The following TSKU variants were observed in gnomAD, a reference collection of about 807,000 sequenced individuals.
The protein encoded by TSKU is tsukushi, small leucine rich proteoglycan.
A neutral mutation model predicts 11.2 loss-of-function variants in TSKU; 4 were observed. The ratio of observed to expected loss-of-function variants is 0.36; its 90% CI spans 0.18 to 0.82. The LOEUF is 0.82. Ranked by LOEUF, TSKU falls within the 40% of genes least tolerant of loss-of-function variation. The pLI is 0.50. For synonymous variants in TSKU, 220 were observed against 232.2 expected, an observed-to-expected ratio of 0.95 and a Z score of 0.48; for missense variants, 407 against 482.5, an observed-to-expected ratio of 0.84 and a Z score of 1.47.
intron 1 of TSKU, among the ~76,000 whole-genome samples, chr11:76,789,425 C>T (rs1294615824): frequency 6.6e-6 from 1 of 152,212 alleles, no homozygotes; most frequent in African/African-American, 2.4e-5. Context: ...AGAGGTGTCT[C>T]ATAGCAGTGT....
intron 1 of TSKU, among the ~76,000 whole-genome samples, chr11:76,783,959 TC>T (rs1944274710): frequency 6.7e-6 from 1 of 149,896 alleles, no homozygotes. Context: ...CAAACTTTTC[TC>T]CCGGTTCCTC....
rs1340456591 is a variant in TSKU at position 76,783,789 on chromosome 11, G to C, written c.-9+385G>C. ...GTCCACGTTTGCGGGCCTGCGCTTG[G>C]CTGTGGGCGTCGGTGGGCGCATCGC... On this transcript the variant is annotated intron_variant, in intron 1 of 1. Coordinates refer to ENST00000333090, the MANE Select transcript of TSKU (RefSeq NM_015516.4). 3.3e-5 allele frequency among the ~76,000 whole-genome samples: 5 copies of C among 152,336 alleles called. No homozygotes were observed. The East Asian group carries it at 9.7e-4, about 29-fold the overall frequency.
chr11:76,788,577 A>G lies in TSKU; in HGVS notation c.-9+5173A>G, dbSNP rs183483376. On this transcript the variant is annotated intron_variant, in intron 1 of 1. Coordinates refer to ENST00000333090, the MANE Select transcript of TSKU (RefSeq NM_015516.4). ...AAATCACCGTCATTGTCTACCACAC[A>G]TTGAGTATTTGTGTAGCAGATAGTG... Among the ~76,000 whole-genome samples, 46 of 152,276 alleles carry G rather than the reference A, an allele frequency of 3.0e-4. No individual in the cohort carries two copies. In the East Asian group the frequency reaches 8.3e-3, roughly 27 times the overall value.
chr11:76,787,899 A>G (rs113627304), intron 1 of TSKU, among the ~76,000 whole-genome samples: 178 of 152,246 alleles, frequency 1.2e-3, no homozygotes, highest in African/African-American at 3.9e-3. Context: ...TGTGTCTGCA[A>G]AATAGGGACA....
At chr11:76,783,557 C>T (rs891683173) in intron 1 of TSKU, among the ~76,000 whole-genome samples, 153 bp downstream of exon 1, 1 of 152,138 alleles carries the variant, frequency 6.6e-6, no homozygotes, top group Non-Finnish European at 1.5e-5. Flanking sequence ...CAACTTTCGT[C>T]GGACGCCTAG....
chr11:76,785,722 G>T (rs1287890073), intron 1 of TSKU, among the ~76,000 whole-genome samples: 1 of 152,162 alleles, frequency 6.6e-6, no homozygotes, highest in East Asian at 1.9e-4. Context: ...AGAGCTCCTG[G>T]AGGATTTAAA....
chr11:76,790,351 A>G (rs1215884354), intron 1 of TSKU, among the ~76,000 whole-genome samples: 1 of 152,166 alleles, frequency 6.6e-6, no homozygotes, highest in African/African-American at 2.4e-5. Flanking sequence ...GGAGGGAAGT[A>G]GTCGGTGACT....
chr11:76,786,322 TGGCCTTTCCTGGATGAGC>T (rs1944311856), intron 1 of TSKU, among the ~76,000 whole-genome samples: 1 of 152,244 alleles, frequency 6.6e-6, no homozygotes, highest in South Asian at 2.1e-4. Flanking sequence ...ACAGGATGGG[TGGCCTTTCCTGGATGAGC>T]GGCAGGTTAG....
intron 1 of TSKU, among the ~76,000 whole-genome samples, chr11:76,793,204 C>T (rs1206924622): frequency 6.6e-6 from 1 of 152,280 alleles, no homozygotes. Flanking sequence ...TGCCCCTTTA[C>T]ATCAGATGCC....
In TSKU at chr11:76,796,881, G is replaced by A; in HGVS notation, c.*203G>A. 1 of 427,518 alleles carries A rather than the reference G, an allele frequency of 2.3e-6. No individual in the cohort carries two copies. Among genetic ancestry groups the A allele is most frequent in the South Asian group, 1.2e-4 (1 of 8,454 alleles). 26.5% of individuals were successfully genotyped at this position (427,518 alleles called of 1,614,324 possible). On this transcript the variant is annotated 3_prime_UTR_variant, in exon 2 of 2. Transcript: ENST00000333090. The surrounding 1 kb of genome is among the most constrained non-coding windows in gnomAD (Gnocchi z 4.1). ...AAAGTCTCACCCCTTTGTCTACGTTGCTTCCCCAAACCATGAGCAGAGGGA... is the reference window on the plus strand; with the variant it reads ...AAAGTCTCACCCCTTTGTCTACGTTACTTCCCCAAACCATGAGCAGAGGGA...
intron 1 of TSKU, among the ~76,000 whole-genome samples, chr11:76,787,061 T>C (rs967514498): frequency 6.6e-5 from 10 of 152,136 alleles, no homozygotes; most frequent in African/African-American, 2.4e-4. Context: ...GGGTCTTCAC[T>C]TTGCCTCATG....
intron 1 of TSKU, among the ~76,000 whole-genome samples, chr11:76,790,550 T>A (rs1210284905): frequency 6.6e-6 from 1 of 152,122 alleles, no homozygotes. Flanking sequence ...TGAACTTGAA[T>A]TGTATCTCCC....
At position 76,796,235 on chromosome 11, in the gene TSKU, C is replaced by CT. The variant is rs1470497578; in HGVS notation, c.620dup (p.Arg208AlafsTer37). The CT allele has an allele frequency of 6.2e-7, 1 of 1,613,564 alleles. No homozygotes were observed. The highest frequency in any genetic ancestry group is 8.5e-7 in the Non-Finnish European group (1 of 1,180,016). ...CGTGCCCAACCTCCGAGACTTGCCC[C>CT]TGCGCTACCTGAGCCTGGATGGGAA... On this transcript the variant is annotated frameshift_variant, in exon 2 of 2. Transcript: ENST00000333090. LOFTEE classifies it high-confidence loss of function. This position sits in a 1 kb window ranked among gnomAD's most constrained non-coding sequence, Gnocchi z 4.1.
chr11:76,787,248 G>A (rs1012273363), intron 1 of TSKU, among the ~76,000 whole-genome samples: 1 of 152,178 alleles, frequency 6.6e-6, no homozygotes, highest in African/African-American at 2.4e-5. Context: ...CTCCTCATGT[G>A]TCCATGTACG....
Position 76,795,658 on chromosome 11 carries a change from C to A in TSKU, c.42C>A (p.Ala14=). 6.2e-7 allele frequency: 1 copy of A among 1,613,612 alleles called. No homozygotes were observed. The highest frequency in any genetic ancestry group is 8.5e-7 in the Non-Finnish European group (1 of 1,179,982). ...TGCTGCTGCTGGCCGTGAGTGGGGC[C>A]CAGACAACCCGGCCATGCTTCCCCG... is the stretch of plus-strand genomic sequence containing the variant. ...PLLLLLAVSG[A]QTTRPCFPGC... The change falls in exon 2 of 2, where the codon GCC becomes GCA. Residue 14 remains alanine (A), a synonymous_variant. Coordinates refer to ENST00000333090, the MANE Select transcript of TSKU (RefSeq NM_015516.4).
In TSKU at chr11:76,783,364, C is replaced by T. The variant is rs1425960613; in HGVS notation, c.-49C>T. 1 of 151,226 alleles carries T rather than the reference C, an allele frequency of 6.6e-6. No homozygotes were observed. Among genetic ancestry groups the T allele is most frequent in the African/African-American group, 2.4e-5 (1 of 41,192 alleles). The allele number at this position is 151,226 out of a possible 1,614,324, so 9.4% of individuals were successfully genotyped here. ...GCCGGAGGGCCCGCGGCCGGGCCGC[C>T]GGGGTGAGCGTGCCGAGGCGGCTGT... is the stretch of plus-strand genomic sequence containing the variant. On this transcript the variant is annotated 5_prime_UTR_variant, in exon 1 of 2. Coordinates refer to ENST00000333090, the MANE Select transcript of TSKU (RefSeq NM_015516.4).
At chr11:76,795,314 C>G (rs973386442) in intron 1 of TSKU, among the ~76,000 whole-genome samples, 3 of 152,226 alleles carry the variant, frequency 2.0e-5, no homozygotes, top group African/African-American at 7.2e-5. Flanking sequence ...GGCTTCAGGT[C>G]CCCCTCACTT....
At position 76,796,558 on chromosome 11, in the gene TSKU, G is replaced by T. The variant is rs1175013412; in HGVS notation, c.942G>T (p.Val314=). 1.3e-6 allele frequency: 2 copies of T among 1,588,052 alleles called. No individual in the cohort carries two copies. The highest frequency in any genetic ancestry group is 1.7e-6 in the Non-Finnish European group (2 of 1,165,558). ...ALQSVSVGQD[V]RCRRLVREGT... ...AGAGCGTCAGCGTGGGCCAGGATGT[G>T]CGGTGCCGGCGCCTGGTGCGGGAGG... is the stretch of plus-strand genomic sequence containing the variant. The change falls in exon 2 of 2, where the codon GTG becomes GTT. Residue 314 remains valine, a synonymous_variant. Transcript: ENST00000333090. The surrounding 1 kb of genome is among the most constrained non-coding windows in gnomAD (Gnocchi z 4.1).
chr11:76,784,598 C>G (rs1944289122), intron 1 of TSKU, among the ~76,000 whole-genome samples: 1 of 152,226 alleles, frequency 6.6e-6, no homozygotes, highest in Non-Finnish European at 1.5e-5. Flanking sequence ...TGGGAATAAC[C>G]CGCGCCTCTG....
Sources: allele counts gnomAD v4.1 joint callset (sites outside exome capture counted in the v4.1 genomes callset), GRCh38; gene constraint gnomAD v4.1.1; non-coding constraint Gnocchi (gnomAD v3.1); transcripts MANE v1.5; gene names NCBI Gene and HGNC (gene_info 2026-07-23, HGNC 2026-07-21).